The following CAMK1D variants were observed in gnomAD, a reference collection of about 807,000 sequenced individuals.
The protein encoded by CAMK1D is calcium/calmodulin-dependent protein kinase type 1D.
In CAMK1D, 9 loss-of-function variants were observed where a neutral mutation model predicts 47.7. The ratio of observed to expected loss-of-function variants is 0.19; its 90% confidence interval spans 0.11 to 0.33. CAMK1D has a LOEUF of 0.33. Ranked by LOEUF, CAMK1D falls within the 10% of genes least tolerant of loss-of-function variation. The pLI is 1.00. For missense variants in CAMK1D, 291 were observed against 488.7 expected (o/e 0.60, Z 3.81); for synonymous variants, 184 against 184.9 (o/e 0.99, Z 0.04).
At chr10:12,580,146 G>A (rs1185734556) in intron 2 of CAMK1D, among the ~76,000 whole-genome samples, 2 of 152,118 alleles carry the variant, frequency 1.3e-5, no homozygotes, top group African/African-American at 4.8e-5. Flanking sequence ...CTGGTGAGAG[G>A]TTTCCTAAAG....
intron 1 of CAMK1D, among the ~76,000 whole-genome samples, chr10:12,533,996 A>G (rs977221358): frequency 6.6e-6 from 1 of 152,056 alleles, no homozygotes; most frequent in African/African-American, 2.4e-5. Flanking sequence ...AGCTGAATCA[A>G]CCCCTTTGCA....
In CAMK1D at chr10:12,457,479, G is replaced by A. The variant is rs900937487; in HGVS notation, c.93-95746G>A. Among the ~76,000 whole-genome samples, 32 of 151,902 alleles carry A rather than the reference G, an allele frequency of 2.1e-4. 1 individual carries two copies. Among genetic ancestry groups the A allele is most frequent in the African/African-American group, 7.3e-4 (30 of 41,342 alleles). On this transcript the variant is annotated intron_variant, in intron 1 of 10. Coordinates refer to ENST00000619168, the MANE Select transcript of CAMK1D (RefSeq NM_153498.4). ...AGGTGAAAAACAGTGCATGGAGTAT[G>A]CTGCTCTTTGTATAAGAAAGCTGGG...
At chr10:12,449,923 G>A (rs564703754) in intron 1 of CAMK1D, among the ~76,000 whole-genome samples, 113 of 152,124 alleles carry the variant, frequency 7.4e-4, no homozygotes, top group African/African-American at 2.4e-3. Context: ...CGCTTGACTT[G>A]GGAGGCAGAG....
At chr10:12,467,645 A>C (rs1195183629) in intron 1 of CAMK1D, among the ~76,000 whole-genome samples, 2 of 152,212 alleles carry the variant, frequency 1.3e-5, no homozygotes. Context: ...CTTTTCTCTC[A>C]TCAACACTCA....
At chr10:12,484,411 G>A (rs1051500102) in intron 1 of CAMK1D, among the ~76,000 whole-genome samples, 1 of 152,204 alleles carries the variant, frequency 6.6e-6, no homozygotes, top group Non-Finnish European at 1.5e-5. Context: ...CATGATTAAG[G>A]ACTTTAAACA....
At position 12,666,870 on chromosome 10, in the gene CAMK1D, G is replaced by A. The variant is rs1840448486; in HGVS notation, c.299+60G>A. The A allele has an allele frequency of 4.5e-6, 6 of 1,328,414 alleles. No homozygotes were observed. In the South Asian group the frequency reaches 6.0e-5, roughly 13 times the overall value. The allele number at this position is 1,328,414 out of a possible 1,614,324, so 82.3% of individuals were successfully genotyped here. On this transcript the variant is annotated intron_variant, in intron 3 of 10. Coordinates refer to ENST00000619168, the MANE Select transcript of CAMK1D (RefSeq NM_153498.4). ...AACTTGCAAACTCCAATGTCTAAAG[G>A]GATCAGGTGGGAAAAGAAGTGATTG...
chr10:12,725,946 G>C lies in CAMK1D; in HGVS notation c.300-35002G>C, dbSNP rs1834609499. The stretch of plus-strand genomic sequence containing the variant: ...TAATTTTTGTATTTTTAGTATAGAC[G>C]GGGCTTCCTCATGTTGGCCAGGCTG... On this transcript the variant is annotated intron_variant, in intron 3 of 10. Transcript: ENST00000619168. Among the ~76,000 whole-genome samples the C allele has an allele frequency of 2.0e-5, 3 of 151,892 alleles. No individual in the cohort carries two copies. The South Asian group carries it at 6.3e-4, about 32-fold the overall frequency.
At chr10:12,387,460 T>C (rs1424279540) in intron 1 of CAMK1D, among the ~76,000 whole-genome samples, 5 of 101,086 alleles carry the variant, frequency 4.9e-5, no homozygotes, top group Non-Finnish European at 1.1e-4. Flanking sequence ...TATATATATA[T>C]ATATAGACAT....
At chr10:12,352,167 G>T (rs1837372191) in intron 1 of CAMK1D, among the ~76,000 whole-genome samples, 1 of 152,200 alleles carries the variant, frequency 6.6e-6, no homozygotes, top group African/African-American at 2.4e-5. Context: ...ACTATTAAGT[G>T]GCGGAGCTGG....
Position 12,570,106 on chromosome 10 carries a change from A to G in CAMK1D, c.224+16750A>G, listed in dbSNP as rs964891080. On this transcript the variant is annotated intron_variant, in intron 2 of 10. Transcript: ENST00000619168. ...TCCCAGCTACTCCGGAGGCTGAGGCAGGAGAATTGCTTGAACCCAGGAGGT... is the reference window on the plus strand; with the variant it reads ...TCCCAGCTACTCCGGAGGCTGAGGCGGGAGAATTGCTTGAACCCAGGAGGT... 2.0e-5 allele frequency among the ~76,000 whole-genome samples: 3 copies of G among 152,104 alleles called. No individual in the cohort carries two copies. The South Asian group carries it at 6.2e-4, about 32-fold the overall frequency.
At position 12,801,354 on chromosome 10, in the gene CAMK1D, T is replaced by TAATCTATC. The variant is rs57429397; in HGVS notation, c.641+10121_641+10122insAATCTATC. 3.1e-3 allele frequency among the ~76,000 whole-genome samples: 209 copies of TAATCTATC among 66,566 alleles called. 3 individuals carry two copies. Among genetic ancestry groups the TAATCTATC allele is most frequent in the East Asian group, 0.014 (29 of 2,008 alleles). The allele number at this position is 66,566 out of a possible 152,430, so 43.7% of individuals were successfully genotyped here. ...CTATCTATCTATCTATCTATCTATC[T>TAATCTATC]TATCTATCTATCTATCTATCTATCT... On this transcript the variant is annotated intron_variant, in intron 6 of 10. Transcript: ENST00000619168.
chr10:12,691,056 A>C (rs1032129091), intron 3 of CAMK1D, among the ~76,000 whole-genome samples: 1 of 152,136 alleles, frequency 6.6e-6, no homozygotes. Flanking sequence ...CCATAGTTCC[A>C]TGATGCAAAC....
intron 8 of CAMK1D, among the ~76,000 whole-genome samples, chr10:12,823,385 G>GA (rs1477229569): frequency 2.0e-5 from 3 of 152,272 alleles, no homozygotes; most frequent in Admixed American, 2.0e-4. Flanking sequence ...AGGGAAGAGG[G>GA]AAGGATCAAA....
intron 2 of CAMK1D, among the ~76,000 whole-genome samples, chr10:12,570,419 C>T (rs1434674876): frequency 6.6e-6 from 1 of 152,020 alleles, no homozygotes; most frequent in Non-Finnish European, 1.5e-5. Context: ...TGGCTCACAC[C>T]TGTAATCCCA....
chr10:12,392,012 CACACAA>C (rs1457761233), intron 1 of CAMK1D, among the ~76,000 whole-genome samples: 6 of 148,018 alleles, frequency 4.1e-5, no homozygotes, highest in South Asian at 2.1e-4. Context: ...CACACACACA[CACACAA>C]ACAGTCTGGG....
intron 1 of CAMK1D, among the ~76,000 whole-genome samples, chr10:12,397,890 A>G (rs1023129269): frequency 1.4e-4 from 21 of 152,280 alleles, no homozygotes; most frequent in African/African-American, 4.8e-4. Context: ...GACCTGGCCT[A>G]GGCTGGAACT....
chr10:12,425,635 C>T (rs942546803), intron 1 of CAMK1D, among the ~76,000 whole-genome samples: 1 of 152,192 alleles, frequency 6.6e-6, no homozygotes, highest in Non-Finnish European at 1.5e-5. Flanking sequence ...CTGTGCACCA[C>T]TTACTGCCTG....
chr10:12,475,420 C>T (rs1423408556), intron 1 of CAMK1D, among the ~76,000 whole-genome samples: 1 of 152,168 alleles, frequency 6.6e-6, no homozygotes, highest in Non-Finnish European at 1.5e-5. Context: ...AGCATAATGT[C>T]CTCAAGGTTT....
At chr10:12,373,114 A>T (rs1838050672) in intron 1 of CAMK1D, among the ~76,000 whole-genome samples, 2 of 152,152 alleles carry the variant, frequency 1.3e-5, no homozygotes, top group Non-Finnish European at 2.9e-5. Context: ...GTGGCAAATG[A>T]GAGACGTGGT....
Sources: gnomAD v4.1 joint callset for allele counts (sites outside exome capture counted in the v4.1 genomes callset) on GRCh38, gnomAD v4.1.1 for gene constraint, MANE v1.5 for transcripts, NCBI Gene and HGNC (gene_info 2026-07-23, HGNC 2026-07-21) for gene names.